Variants in THADA observed in about 807,000 individuals in gnomAD.
THADA encodes the protein THADA armadillo repeat containing.
A neutral mutation model predicts 219.8 loss-of-function variants in THADA; 213 were observed. The observed-to-expected ratio is 0.97, with a 90% CI of 0.87 to 1.09. The LOEUF (loss-of-function observed/expected upper bound fraction) is 1.09, where lower values mean the gene tolerates loss of function less well. Ranked by LOEUF, THADA falls within the 50% of genes least tolerant of loss-of-function variation. The pLI, the probability that THADA is intolerant of heterozygous loss-of-function variation, is 0.00. For synonymous variants in THADA, 1,018 were observed against 828.9 expected (o/e 1.23, Z -3.92); for missense variants, 2,956 against 2,311.3 (o/e 1.28, Z -5.72).
chr2:43,316,522 T>C (rs904703055), intron 31 of THADA, among the ~76,000 whole-genome samples: 17 of 152,338 alleles, frequency 1.1e-4, no homozygotes, highest in Middle Eastern at 3.4e-3. Context: ...AAAGCAGGCA[T>C]TTCTTCTTTC....
intron 28 of THADA, among the ~76,000 whole-genome samples, chr2:43,419,448 C>A (rs1299735577): frequency 3.9e-5 from 6 of 152,088 alleles, no homozygotes; most frequent in Non-Finnish European, 7.4e-5. Context: ...GGGCCAAGGC[C>A]CAGAGGGAAA....
chr2:43,431,611 G>A (rs1359689867), intron 26 of THADA, among the ~76,000 whole-genome samples: 4 of 135,942 alleles, frequency 2.9e-5, no homozygotes, highest in Non-Finnish European at 3.1e-5. Flanking sequence ...GACTACAGGC[G>A]CCCGCCACCA....
At chr2:43,390,719 A>G (rs1291898351) in intron 29 of THADA, among the ~76,000 whole-genome samples, 3 of 152,218 alleles carry the variant, frequency 2.0e-5, no homozygotes, top group South Asian at 2.1e-4. Flanking sequence ...CTGCTGGAAT[A>G]TAAGTACACT....
rs1216674881 is a variant in THADA at position 43,557,672 on chromosome 2, T to C, written c.2464-1117A>G. On this transcript the variant is annotated intron_variant, in intron 16 of 37. Transcript: ENST00000405975. The stretch of plus-strand genomic sequence containing the variant: ...GGCTGACAACAGAAGACATAAGTCC[T>C]AGTCCCAACTTCAACAACTGGCAAG... 2.0e-5 allele frequency among the ~76,000 whole-genome samples: 3 copies of C among 152,218 alleles called. No homozygotes were observed. In the East Asian group the frequency reaches 5.8e-4, roughly 29 times the overall value.
intron 17 of THADA, among the ~76,000 whole-genome samples, chr2:43,553,219 C>A (rs1558959935): frequency 6.6e-6 from 1 of 152,118 alleles, no homozygotes; most frequent in African/African-American, 2.4e-5. Flanking sequence ...CATTCTTGTA[C>A]AAGTTTTTGT....
chr2:43,234,079 C>T (rs543548950), intron 36 of THADA, among the ~76,000 whole-genome samples: 1 of 152,296 alleles, frequency 6.6e-6, no homozygotes, highest in East Asian at 1.9e-4. Flanking sequence ...GGGATGGCCC[C>T]ACTGAGGGCC....
chr2:43,426,240 G>C (rs1678407007), intron 28 of THADA, among the ~76,000 whole-genome samples: 1 of 152,032 alleles, frequency 6.6e-6, no homozygotes, highest in Admixed American at 6.6e-5. Context: ...ATTTTGGAAA[G>C]GTACTTTCAG....
At chr2:43,480,801 G>A (rs1431056530) in intron 26 of THADA, among the ~76,000 whole-genome samples, 3 of 149,698 alleles carry the variant, frequency 2.0e-5, no homozygotes, top group African/African-American at 4.9e-5. Flanking sequence ...CCAGGCAACA[G>A]TGCGAGACTC....
chr2:43,487,200 A>G (rs1311231736), intron 25 of THADA, among the ~76,000 whole-genome samples: 5 of 152,146 alleles, frequency 3.3e-5, no homozygotes, highest in African/African-American at 1.2e-4. Context: ...TGATCTAGTG[A>G]GGTAGTTCCC....
intron 23 of THADA, 63 bp downstream of exon 23, chr2:43,508,585 T>C: frequency 6.5e-7 from 1 of 1,542,586 alleles, no homozygotes; most frequent in South Asian, 1.2e-5. Context: ...GTCAAACAGG[T>C]TAGGATACAC....
intron 26 of THADA, among the ~76,000 whole-genome samples, chr2:43,431,477 T>G (rs1679274198): frequency 6.6e-6 from 1 of 151,976 alleles, no homozygotes; most frequent in African/African-American, 2.4e-5. Context: ...TGTTTGTTTG[T>G]TTTTTTGAGA....
At chr2:43,429,414 A>AT (rs925776527) in intron 27 of THADA, among the ~76,000 whole-genome samples, 2 of 152,092 alleles carry the variant, frequency 1.3e-5, no homozygotes, top group African/African-American at 2.4e-5. Flanking sequence ...CCAGAATGTG[A>AT]TTTTTAAGAC....
intron 37 of THADA, 137 bp downstream of exon 37, chr2:43,232,576 C>G (rs1667564775): frequency 1.1e-6 from 1 of 928,106 alleles, no homozygotes; most frequent in African/African-American, 1.7e-5. Flanking sequence ...CTCGGCAGCA[C>G]CCAGTGGGTG....
intron 16 of THADA, 120 bp from the exon 17 acceptor site, chr2:43,556,675 A>T: frequency 1.1e-6 from 1 of 885,696 alleles, no homozygotes; most frequent in Non-Finnish European, 1.7e-6. Flanking sequence ...CTAGAGTCCC[A>T]GCTACTCAAG....
chr2:43,500,272 TG>T (rs1357067015), intron 24 of THADA, among the ~76,000 whole-genome samples: 2 of 152,234 alleles, frequency 1.3e-5, no homozygotes, highest in Non-Finnish European at 2.9e-5. Flanking sequence ...GGATGTGGAC[TG>T]GAAGAGAGCA....
Position 43,505,676 on chromosome 2 carries a change from T to C in THADA, c.3567A>G (p.Lys1189=). The C allele has an allele frequency of 6.3e-7, 1 of 1,597,032 alleles. No individual in the cohort carries two copies. Among genetic ancestry groups the C allele is most frequent in the East Asian group, 2.2e-5 (1 of 44,750 alleles). The change falls in exon 24 of 38, where the codon AAA becomes AAG. Residue 1189 remains lysine, a synonymous_variant. Transcript: ENST00000405975. The part of the protein sequence containing the change: ...GRMDLLKITM[K]ELISLAGPTD... ...TAGGCCCAGCCAAAGAGATTAACTC[T>C]TTCATTGTTATTTTCAACAAATCCA...
At chr2:43,378,008 CATG>C (rs1056239991) in intron 29 of THADA, among the ~76,000 whole-genome samples, 5 of 152,110 alleles carry the variant, frequency 3.3e-5, no homozygotes, top group African/African-American at 1.2e-4. Context: ...AGTATTTTCA[CATG>C]ATTAGACTGA....
chr2:43,275,216 G>A (rs1000975211), intron 36 of THADA, among the ~76,000 whole-genome samples: 7 of 151,984 alleles, frequency 4.6e-5, no homozygotes, highest in Admixed American at 3.9e-4. Flanking sequence ...TGTTGGCCAG[G>A]CTGGTCTTGA....
rs72867077 is a variant in THADA, at chr2:43,582,072, T to C, written c.534-144A>G. ...AATTTATTCCTCTCTCTTCCATTCC[T>C]ATAAACATTCCAATTATGTAGACAT... On this transcript the variant is annotated intron_variant, in intron 7 of 37. Coordinates refer to ENST00000405975, the MANE Select transcript of THADA (RefSeq NM_022065.5). The C allele has an allele frequency of 3.0e-3, 1,845 of 624,954 alleles. 23 individuals carry two copies. The highest frequency in any genetic ancestry group is 0.026 in the African/African-American group (1,357 of 53,072). The allele number at this position is 624,954 out of a possible 1,614,324, so 38.7% of individuals were successfully genotyped here.
Sources: gnomAD v4.1 joint callset for allele counts (sites outside exome capture counted in the v4.1 genomes callset) on GRCh38, gnomAD v4.1.1 for gene constraint, MANE v1.5 for transcripts, NCBI Gene and HGNC (gene_info 2026-07-23, HGNC 2026-07-21) for gene names.